Variants in RBFOX1 observed in about 807,000 individuals in gnomAD.
RBFOX1 encodes the protein RNA binding protein fox-1 homolog 1.
A neutral mutation model predicts 57.7 loss-of-function variants in RBFOX1; 8 were observed. The observed-to-expected ratio is 0.14, with a 90% CI of 0.08 to 0.25. The LOEUF is 0.25. Ranked by LOEUF, RBFOX1 falls within the 10% of genes least tolerant of loss-of-function variation. RBFOX1 has a pLI of 1.00. For synonymous variants in RBFOX1, 326 were observed against 222.4 expected (o/e 1.47, Z -4.15); for missense variants, 611 against 548.5 (o/e 1.11, Z -1.14).
chr16:6,728,743 G>T (rs551769691), intron 3 of RBFOX1, among the ~76,000 whole-genome samples: 1 of 152,124 alleles, frequency 6.6e-6, no homozygotes, highest in Non-Finnish European at 1.5e-5. Context: ...AAGAAACACG[G>T]TGTCTCCTTA....
chr16:6,327,863 C>T (rs1197784407), intron 2 of RBFOX1, among the ~76,000 whole-genome samples: 2 of 152,118 alleles, frequency 1.3e-5, no homozygotes, highest in Non-Finnish European at 1.5e-5. Context: ...TCTTCAATCC[C>T]GTGGGTTACT....
chr16:7,156,499 A>C (rs536740967), intron 4 of RBFOX1, among the ~76,000 whole-genome samples: 1 of 152,132 alleles, frequency 6.6e-6, no homozygotes. Context: ...CTATGTGTGC[A>C]TATACATGTA....
chr16:5,971,386 T>A (rs1251332989), intron 4 of RBFOX1, among the ~76,000 whole-genome samples: 2 of 152,310 alleles, frequency 1.3e-5, no homozygotes, highest in South Asian at 2.1e-4. Context: ...AAATAAGATA[T>A]GCTGGGTGTG....
chr16:5,919,949 ATTT>A (rs35676883), intron 4 of RBFOX1, among the ~76,000 whole-genome samples: 17 of 151,366 alleles, frequency 1.1e-4, no homozygotes, highest in African/African-American at 3.9e-4. Flanking sequence ...CAGTACTTCC[ATTT>A]TTTTTAGACG....
chr16:6,209,333 T>A (rs2097276743), intron 1 of RBFOX1, among the ~76,000 whole-genome samples: 1 of 152,222 alleles, frequency 6.6e-6, no homozygotes, highest in Non-Finnish European at 1.5e-5. Flanking sequence ...CTGGGTTGTG[T>A]GTGTTTCTTC....
intron 3 of RBFOX1, among the ~76,000 whole-genome samples, chr16:5,818,216 C>G (rs1216151685): frequency 6.6e-6 from 1 of 152,170 alleles, no homozygotes; most frequent in Non-Finnish European, 1.5e-5. Context: ...GTATCTGACT[C>G]AATGGTGCCT....
At chr16:6,490,259 T>C (rs1378820885) in intron 2 of RBFOX1, among the ~76,000 whole-genome samples, 1 of 152,232 alleles carries the variant, frequency 6.6e-6, no homozygotes, top group African/African-American at 2.4e-5. Context: ...GAAAAAAAGA[T>C]CTTGCAAGTA....
Position 6,692,398 on chromosome 16 carries a change from A to G in RBFOX1, c.-16+37748A>G, listed in dbSNP as rs571089433. On this transcript the variant is annotated intron_variant, in intron 3 of 15. Transcript: ENST00000550418. ...TTTGATACCTGGTATCTCTCCCTAG[A>G]GTTCCTCTCATTTAAATCCATCCTA... Among the ~76,000 whole-genome samples the G allele has an allele frequency of 2.2e-4, 33 of 152,208 alleles. No individual in the cohort carries two copies. In the East Asian group the frequency reaches 6.2e-3, roughly 29 times the overall value.
At chr16:6,408,528 G>T (rs2093359811) in intron 2 of RBFOX1, among the ~76,000 whole-genome samples, 1 of 152,156 alleles carries the variant, frequency 6.6e-6, no homozygotes, top group African/African-American at 2.4e-5. Context: ...GTGGGAAGCA[G>T]ACACTTTGAC....
intron 4 of RBFOX1, among the ~76,000 whole-genome samples, chr16:7,115,311 G>T (rs188152148): frequency 6.6e-6 from 1 of 152,146 alleles, no homozygotes; most frequent in African/African-American, 2.4e-5. Context: ...TGCCAGCAAC[G>T]TTGCTAGGCT....
intron 3 of RBFOX1, among the ~76,000 whole-genome samples, chr16:6,861,797 C>T (rs967468452): frequency 3.3e-4 from 50 of 150,764 alleles, no homozygotes; most frequent in African/African-American, 1.2e-3. Context: ...CATACACTCC[C>T]CCTCTTTCCT....
chr16:5,408,606 T>C (rs1291221997), intron 1 of RBFOX1, among the ~76,000 whole-genome samples: 1 of 152,230 alleles, frequency 6.6e-6, no homozygotes, highest in Non-Finnish European at 1.5e-5. Context: ...TAGGCCGTTC[T>C]TGCATTGCCA....
intron 3 of RBFOX1, among the ~76,000 whole-genome samples, chr16:6,899,586 G>C (rs2153405622): frequency 6.6e-6 from 1 of 152,270 alleles, no homozygotes; most frequent in South Asian, 2.1e-4. Context: ...GTGAGATTTT[G>C]AGCACAGCTC....
At chr16:6,116,135 T>C (rs2096493687) in intron 1 of RBFOX1, among the ~76,000 whole-genome samples, 2 of 152,118 alleles carry the variant, frequency 1.3e-5, no homozygotes, top group Non-Finnish European at 2.9e-5. Flanking sequence ...TGGGTGAAGC[T>C]GGAAACCATC....
Position 6,218,225 on chromosome 16 carries a change from A to G in RBFOX1, c.-126-98770A>G, listed in dbSNP as rs563251374. Among the ~76,000 whole-genome samples, 3 of 152,262 alleles carry G rather than the reference A, an allele frequency of 2.0e-5. No homozygotes were observed. In the East Asian group the frequency reaches 5.8e-4, roughly 29 times the overall value. On this transcript the variant is annotated intron_variant, in intron 1 of 15. Coordinates refer to ENST00000550418, the MANE Select transcript of RBFOX1 (RefSeq NM_018723.4). Reference sequence around the variant, plus strand: ...CCATTCTCCTTGAGTATGCCAGGTGAATTCTAGAGTCATTCATTGAGCTAA... The same window carrying G: ...CCATTCTCCTTGAGTATGCCAGGTGGATTCTAGAGTCATTCATTGAGCTAA...
intron 3 of RBFOX1, among the ~76,000 whole-genome samples, chr16:7,000,088 A>AT (rs2092651838): frequency 2.0e-5 from 3 of 151,358 alleles, no homozygotes; most frequent in African/African-American, 7.3e-5. Context: ...AAAAAAAAAA[A>AT]GATTATTTAA....
chr16:7,507,561 C>CTTTTTTTTTTTTTTTTTT (rs200393762), intron 4 of RBFOX1, among the ~76,000 whole-genome samples: 2 of 122,904 alleles, frequency 1.6e-5, no homozygotes, highest in Non-Finnish European at 1.7e-5. Context: ...TTTTTTCTTT[C>CTTTTTTTTTTTTTTTTTT]TTTCTTTTTT....
rs1245467270 is a variant in RBFOX1, at chr16:6,442,471, C to A, written c.-64+125414C>A. Among the ~76,000 whole-genome samples, 4 of 151,838 alleles carry A rather than the reference C, an allele frequency of 2.6e-5. No individual in the cohort carries two copies. In the East Asian group the frequency reaches 7.7e-4, roughly 29 times the overall value. Reference sequence around the variant, plus strand: ...ACTCAGGAGGCTGAGGCAGGAGAATCGCTTGAGCCTGGGAAGCGGAGGTTG... The same window carrying A: ...ACTCAGGAGGCTGAGGCAGGAGAATAGCTTGAGCCTGGGAAGCGGAGGTTG... On this transcript the variant is annotated intron_variant, in intron 2 of 15. Coordinates refer to ENST00000550418, the MANE Select transcript of RBFOX1 (RefSeq NM_018723.4).
chr16:6,297,848 G>A (rs963925957), intron 1 of RBFOX1, among the ~76,000 whole-genome samples: 11 of 152,276 alleles, frequency 7.2e-5, no homozygotes, highest in Admixed American at 5.9e-4. Flanking sequence ...ACTGGGTGGC[G>A]AAACGCCAGA....
Sources: allele counts gnomAD v4.1 joint callset (sites outside exome capture counted in the v4.1 genomes callset), GRCh38; gene constraint gnomAD v4.1.1; transcripts MANE v1.5; gene names NCBI Gene and HGNC (gene_info 2026-07-23, HGNC 2026-07-21).